PRMT3: variants seen among roughly 807,000 people sequenced by gnomAD.
The protein encoded by PRMT3 is protein arginine N-methyltransferase 3.
Under a neutral mutation model 71.9 loss-of-function variants are expected in PRMT3, and 62 were observed. The ratio of observed to expected loss-of-function variants is 0.86; its 90% CI spans 0.70 to 1.07. PRMT3 has a LOEUF of 1.07. Ranked by LOEUF, PRMT3 falls within the 50% of genes least tolerant of loss-of-function variation. PRMT3 has a pLI of 0.00. For missense variants in PRMT3, 663 were observed against 643.0 expected, an observed-to-expected ratio of 1.03 and a Z score of -0.34; for synonymous variants, 213 against 220.4, an observed-to-expected ratio of 0.97 and a Z score of 0.30.
intron 15 of PRMT3, among the ~76,000 whole-genome samples, chr11:20,504,804 G>C (rs1468297016): frequency 6.6e-6 from 1 of 151,494 alleles, no homozygotes; most frequent in East Asian, 2.0e-4. Context: ...CATGATCTCT[G>C]CTTACTGCAA....
At chr11:20,481,702 G>A (rs1166075037) in intron 13 of PRMT3, among the ~76,000 whole-genome samples, 1 of 151,932 alleles carries the variant, frequency 6.6e-6, no homozygotes, top group Non-Finnish European at 1.5e-5. Flanking sequence ...TGTTTCAAAG[G>A]GATTCTGTCT....
intron 15 of PRMT3, among the ~76,000 whole-genome samples, chr11:20,503,471 C>G (rs1273417990): frequency 6.6e-6 from 1 of 152,152 alleles, no homozygotes; most frequent in East Asian, 1.9e-4. Context: ...ATTTCCATCA[C>G]TCCAAAAAGT....
At chr11:20,460,180 TAGG>T in intron 11 of PRMT3, among the ~76,000 whole-genome samples, 1 of 152,214 alleles carries the variant, frequency 6.6e-6, no homozygotes, top group South Asian at 2.1e-4. Flanking sequence ...AAATAAACGT[TAGG>T]AGGAAGGAGA....
intron 13 of PRMT3, among the ~76,000 whole-genome samples, chr11:20,493,572 C>T (rs1479333343): frequency 6.6e-6 from 1 of 152,156 alleles, no homozygotes; most frequent in Non-Finnish European, 1.5e-5. Context: ...TAGCCTAATG[C>T]GTGGGTGGAC....
chr11:20,415,683 T>C (rs1404533903), intron 9 of PRMT3, among the ~76,000 whole-genome samples: 1 of 37,158 alleles, frequency 2.7e-5, no homozygotes. Flanking sequence ...ATTTCCACCA[T>C]GTTGACCAGC....
intron 7 of PRMT3, 114 bp from the exon 8 acceptor site, chr11:20,402,805 A>G (rs1810691674): frequency 3.0e-6 from 2 of 666,562 alleles, no homozygotes; most frequent in Non-Finnish European, 5.0e-6. Context: ...TATCCCAGGT[A>G]TAAAAACTGC....
chr11:20,468,325 AATAT>A (rs1489118148), intron 13 of PRMT3, among the ~76,000 whole-genome samples: 2 of 152,176 alleles, frequency 1.3e-5, no homozygotes, highest in African/African-American at 4.8e-5. Context: ...GCCCAGTTTA[AATAT>A]ATGTATGATA....
intron 3 of PRMT3, among the ~76,000 whole-genome samples, chr11:20,391,028 T>C (rs1034293138): frequency 1.3e-5 from 2 of 148,196 alleles, no homozygotes; most frequent in Non-Finnish European, 3.0e-5. Flanking sequence ...ACAGCCTGGG[T>C]GACAGACTGA....
At chr11:20,483,419 G>A (rs1850991824) in intron 13 of PRMT3, among the ~76,000 whole-genome samples, 1 of 151,928 alleles carries the variant, frequency 6.6e-6, no homozygotes, top group South Asian at 2.1e-4. Flanking sequence ...TTGGAAAGCA[G>A]CACAAAAAAT....
intron 10 of PRMT3, among the ~76,000 whole-genome samples, chr11:20,432,122 T>C (rs1849667088): frequency 6.6e-6 from 1 of 152,114 alleles, no homozygotes; most frequent in South Asian, 2.1e-4. Context: ...AGCCTTTCTT[T>C]TATTCAATCT....
At chr11:20,390,545 C>A (rs1001315423) in intron 3 of PRMT3, among the ~76,000 whole-genome samples, 2 of 152,182 alleles carry the variant, frequency 1.3e-5, no homozygotes, top group Non-Finnish European at 2.9e-5. Context: ...TCGGTAGAGA[C>A]TGGAAAAAGA....
chr11:20,506,166 C>T (rs1851586168), intron 15 of PRMT3, among the ~76,000 whole-genome samples: 1 of 152,060 alleles, frequency 6.6e-6, no homozygotes, highest in Non-Finnish European at 1.5e-5. Context: ...CATGTAAAGA[C>T]CTTAGAGTAG....
chr11:20,418,400 T>C (rs971696209), intron 9 of PRMT3, among the ~76,000 whole-genome samples: 3 of 152,196 alleles, frequency 2.0e-5, no homozygotes, highest in Non-Finnish European at 2.9e-5. Context: ...GTCAGTGATA[T>C]CTGTTTTAAT....
intron 6 of PRMT3, 137 bp downstream of exon 6, chr11:20,396,099 T>C: frequency 2.7e-6 from 2 of 752,602 alleles, no homozygotes; most frequent in Non-Finnish European, 2.1e-6. Flanking sequence ...CTGTTAAAGA[T>C]ATGTAGCATT....
Position 20,508,390 on chromosome 11 carries a change from A to T in PRMT3, c.1573A>T (p.Thr525Ser), listed in dbSNP as rs201557233. ...LTVTLTLNNS[T>S]QTYGLQ ...CGTGACCCTCACGTTGAATAATTCA[A>T]CTCAAACTTATGGTCTCCAGTGAAA... Residue 525 changes from threonine to serine, a missense_variant, in exon 16 of 16, where the codon ACT becomes TCT. By Grantham distance (58) the Thr-to-Ser change is moderately conservative. Transcript: ENST00000331079. The T allele has an allele frequency of 5.6e-6, 9 of 1,606,186 alleles. No homozygotes were observed. The highest frequency in any genetic ancestry group is 6.8e-6 in the Non-Finnish European group (8 of 1,173,052).
chr11:20,454,637 G>A (rs36095709), intron 11 of PRMT3, among the ~76,000 whole-genome samples: 4,261 of 152,152 alleles, frequency 0.028, 182 homozygotes, highest in Admixed American at 0.12. Flanking sequence ...ATGTCTTGAT[G>A]CGTATCACCA....
intron 12 of PRMT3, among the ~76,000 whole-genome samples, chr11:20,463,094 G>C (rs1261903651): frequency 6.6e-6 from 1 of 152,190 alleles, no homozygotes; most frequent in Non-Finnish European, 1.5e-5. Context: ...TTGATCTCCT[G>C]ACCTCATGAT....
chr11:20,504,440 A>G (rs1258021447), intron 15 of PRMT3, among the ~76,000 whole-genome samples: 1 of 152,138 alleles, frequency 6.6e-6, no homozygotes, highest in Non-Finnish European at 1.5e-5. Context: ...TGTTTTGGCT[A>G]TTCTAGGTCC....
At chr11:20,476,755 GTT>G (rs11380250) in intron 13 of PRMT3, among the ~76,000 whole-genome samples, 9 of 150,068 alleles carry the variant, frequency 6.0e-5, no homozygotes, top group African/African-American at 1.5e-4. Flanking sequence ...CATTTTTAGA[GTT>G]TTTTTATCTC....
Sources: gnomAD v4.1 joint callset for allele counts (sites outside exome capture counted in the v4.1 genomes callset) on GRCh38, gnomAD v4.1.1 for gene constraint, MANE v1.5 for transcripts, NCBI Gene and HGNC (gene_info 2026-07-23, HGNC 2026-07-21) for gene names.